Variants in MED27 observed in about 807,000 individuals in gnomAD.
MED27 encodes the protein mediator of RNA polymerase II transcription subunit 27.
Under a neutral mutation model 38.2 loss-of-function variants are expected in MED27, and 30 were observed. The observed-to-expected ratio is 0.79, with a 90% CI of 0.59 to 1.07. The LOEUF (loss-of-function observed/expected upper bound fraction) is 1.07, where lower values mean the gene tolerates loss of function less well. Ranked by LOEUF, MED27 falls within the 50% of genes least tolerant of loss-of-function variation. MED27 has a pLI of 0.00. For missense variants in MED27, 289 were observed against 397.5 expected, an observed-to-expected ratio of 0.73 and a Z score of 2.32; for synonymous variants, 122 against 153.5, an observed-to-expected ratio of 0.79 and a Z score of 1.52.
intron 3 of MED27, among the ~76,000 whole-genome samples, chr9:131,953,781 T>C (rs1475888433): frequency 6.6e-6 from 1 of 151,952 alleles, no homozygotes; most frequent in Non-Finnish European, 1.5e-5. Context: ...TGTGGGGTTT[T>C]TTTTCCCCCA....
chr9:131,906,753 T>C (rs1189234474), intron 4 of MED27, among the ~76,000 whole-genome samples: 3 of 152,060 alleles, frequency 2.0e-5, no homozygotes, highest in Admixed American at 6.6e-5. Flanking sequence ...ATCCATAAAG[T>C]GACAGCAAAT....
At chr9:132,061,836 T>C (rs886933254) in intron 2 of MED27, among the ~76,000 whole-genome samples, 1 of 152,232 alleles carries the variant, frequency 6.6e-6, no homozygotes, top group African/African-American at 2.4e-5. Flanking sequence ...TTTCACTGTA[T>C]CCTTTCTTTG....
intron 3 of MED27, among the ~76,000 whole-genome samples, chr9:132,013,071 T>C (rs1220154031): frequency 6.6e-6 from 1 of 152,198 alleles, no homozygotes; most frequent in Non-Finnish European, 1.5e-5. Context: ...CTCGGGCATC[T>C]GGCCCTCCCA....
intron 3 of MED27, among the ~76,000 whole-genome samples, chr9:131,968,471 CAAAAAAAAAA>C (rs10556528): frequency 1.0e-5 from 1 of 98,426 alleles, no homozygotes. Context: ...GACCCTGTCT[CAAAAAAAAAA>C]AAAAAAAAAA....
rs1055091492 is a variant in MED27 at position 132,076,376 on chromosome 9, C to A, written c.348+1066G>T. On this transcript the variant is annotated intron_variant, in intron 2 of 7. Coordinates refer to ENST00000292035, the MANE Select transcript of MED27 (RefSeq NM_004269.4). ...TATGCATTCAAGGTTCAAGTTCTTT[C>A]TTTAGTAACCCATGATAAATCACCT... is the stretch of plus-strand genomic sequence containing the variant. 3.3e-5 allele frequency among the ~76,000 whole-genome samples: 5 copies of A among 152,120 alleles called. No individual in the cohort carries two copies. In the East Asian group the frequency reaches 9.6e-4, roughly 29 times the overall value.
chr9:131,873,770 CT>C (rs1393504291), intron 6 of MED27, among the ~76,000 whole-genome samples: 1 of 152,226 alleles, frequency 6.6e-6, no homozygotes, highest in Non-Finnish European at 1.5e-5. Context: ...CCTGCTGACA[CT>C]TTAGAGATCA....
intron 4 of MED27, among the ~76,000 whole-genome samples, chr9:131,914,951 G>C (rs557077837): frequency 2.0e-5 from 3 of 152,296 alleles, no homozygotes; most frequent in South Asian, 4.1e-4. Context: ...ATTCTGGCGT[G>C]GGCAACAGGA....
intron 3 of MED27, among the ~76,000 whole-genome samples, chr9:131,995,156 T>C (rs553566678): frequency 1.3e-5 from 2 of 151,910 alleles, no homozygotes; most frequent in Non-Finnish European, 2.9e-5. Context: ...GACAAGAAAG[T>C]ATGAGGTATG....
At chr9:131,918,324 T>G (rs1830330348) in intron 4 of MED27, among the ~76,000 whole-genome samples, 1 of 152,218 alleles carries the variant, frequency 6.6e-6, no homozygotes, top group Non-Finnish European at 1.5e-5. Context: ...CTAAATATTT[T>G]TGTGGAATCT....
intron 3 of MED27, among the ~76,000 whole-genome samples, chr9:132,000,652 C>T (rs1222903911): frequency 1.3e-5 from 2 of 151,838 alleles, no homozygotes; most frequent in East Asian, 3.9e-4. Context: ...TGGTGGAATA[C>T]TATACAGCAA....
At chr9:132,070,625 G>A (rs988554726) in intron 2 of MED27, among the ~76,000 whole-genome samples, 1 of 152,188 alleles carries the variant, frequency 6.6e-6, no homozygotes, top group Non-Finnish European at 1.5e-5. Context: ...CTATAAAACA[G>A]ATCTGATTTC....
At chr9:132,008,262 A>G (rs1189918181) in intron 3 of MED27, among the ~76,000 whole-genome samples, 3 of 152,230 alleles carry the variant, frequency 2.0e-5, no homozygotes, top group Admixed American at 6.5e-5. Flanking sequence ...AAATACATAG[A>G]TATCTCAATA....
chr9:132,076,325 T>C (rs945468797), intron 2 of MED27, among the ~76,000 whole-genome samples: 3 of 152,154 alleles, frequency 2.0e-5, no homozygotes. Context: ...TCCAGAGTTT[T>C]GGGGAAAGGC....
chr9:132,035,807 T>C (rs11790743), intron 2 of MED27, among the ~76,000 whole-genome samples: 2 of 151,936 alleles, frequency 1.3e-5, no homozygotes, highest in African/African-American at 4.8e-5. Flanking sequence ...TACCAAAAAA[T>C]TTTTAAAATT....
intron 2 of MED27, among the ~76,000 whole-genome samples, chr9:132,069,987 A>G (rs984573929): frequency 6.6e-6 from 1 of 152,216 alleles, no homozygotes; most frequent in Non-Finnish European, 1.5e-5. Flanking sequence ...CACACTGGGC[A>G]CCGGCCTAGG....
At chr9:132,048,730 G>T (rs148243347) in intron 2 of MED27, among the ~76,000 whole-genome samples, 1 of 152,158 alleles carries the variant, frequency 6.6e-6, no homozygotes, top group East Asian at 1.9e-4. Flanking sequence ...GCCACGGCCC[G>T]TCCTTCATCC....
chr9:131,955,907 GAGAA>G (rs895737527), intron 3 of MED27, among the ~76,000 whole-genome samples: 4 of 151,864 alleles, frequency 2.6e-5, no homozygotes, highest in Non-Finnish European at 4.4e-5. Flanking sequence ...ACTGAAACTA[GAGAA>G]AGACACTACA....
At chr9:132,077,971 C>T (rs1834090824) in intron 1 of MED27, among the ~76,000 whole-genome samples, 1 of 152,192 alleles carries the variant, frequency 6.6e-6, no homozygotes, top group Non-Finnish European at 1.5e-5. Context: ...CAGATCATTA[C>T]ACTTGGCAGA....
chr9:131,999,395 GAA>G (rs927245663), intron 3 of MED27, among the ~76,000 whole-genome samples: 6 of 152,152 alleles, frequency 3.9e-5, no homozygotes, highest in African/African-American at 1.2e-4. Flanking sequence ...CCCAAGTCTG[GAA>G]AAGTCTCTTG....
Sources: allele counts gnomAD v4.1 joint callset (sites outside exome capture counted in the v4.1 genomes callset), GRCh38; gene constraint gnomAD v4.1.1; transcripts MANE v1.5; gene names NCBI Gene and HGNC (gene_info 2026-07-23, HGNC 2026-07-21).